DNAH6: variants seen among roughly 807,000 people sequenced by gnomAD.
The protein encoded by DNAH6 is axonemal beta dynein heavy chain 6.
Under a neutral mutation model 491.4 loss-of-function variants are expected in DNAH6, and 340 were observed. The observed-to-expected ratio is 0.69, with a 90% CI of 0.63 to 0.76. The LOEUF (loss-of-function observed/expected upper bound fraction) is 0.76. Among genes scored for constraint, DNAH6 ranks in the 30% least tolerant of loss-of-function variants. The pLI is 0.00. For missense variants in DNAH6, 4,443 were observed against 4,972.2 expected (o/e 0.89, Z 3.20); for synonymous variants, 1,603 against 1,686.1 (o/e 0.95, Z 1.21).
chr2:84,794,370 T>C (rs1678099654), intron 68 of DNAH6, among the ~76,000 whole-genome samples: 2 of 151,618 alleles, frequency 1.3e-5, no homozygotes, highest in East Asian at 1.9e-4. Context: ...CAAAAGAAAC[T>C]ACCATCAGAG....
Position 84,642,063 on chromosome 2 carries a change from G to A in DNAH6, c.5078+9G>A. ...GATGCTCTTCTGTTCAGGTAAGTTT[G>A]TAGACATTACCAAGTAAAGCATGGC... is the stretch of plus-strand genomic sequence containing the variant. On this transcript the variant is annotated intron_variant, in intron 33 of 76. Transcript: ENST00000389394. 1.3e-6 allele frequency: 2 copies of A among 1,528,142 alleles called. No individual in the cohort carries two copies. The highest frequency in any genetic ancestry group is 1.8e-6 in the Non-Finnish European group (2 of 1,126,948). 94.7% of individuals were successfully genotyped at this position (1,528,142 alleles called of 1,614,324 possible). A position where few individuals can be genotyped will look rare whatever the true frequency, so the allele number is the denominator to read the frequency against.
At chr2:84,488,424 AAAAG>A in the DNAH6 span, among the ~76,000 whole-genome samples, 1 of 151,960 alleles carries the variant, frequency 6.6e-6, no homozygotes, top group Non-Finnish European at 1.5e-5. Flanking sequence ...AAAATTAAAA[AAAAG>A]AAATCTAAAA....
intron 4 of DNAH6, among the ~76,000 whole-genome samples, chr2:84,539,789 T>C (rs1434710956): frequency 6.6e-6 from 1 of 152,154 alleles, no homozygotes; most frequent in Admixed American, 6.6e-5. Context: ...TTAGTTTTGC[T>C]TTTGTTTAAT....
At chr2:84,545,468 A>G (rs978527998) in intron 5 of DNAH6, among the ~76,000 whole-genome samples, 2 of 152,128 alleles carry the variant, frequency 1.3e-5, no homozygotes, top group Non-Finnish European at 2.9e-5. Context: ...TACATATATC[A>G]TACATTTGTT....
chr2:84,771,769 G>A (rs1312401452), intron 64 of DNAH6, among the ~76,000 whole-genome samples: 1 of 151,940 alleles, frequency 6.6e-6, no homozygotes, highest in East Asian at 1.9e-4. Flanking sequence ...GATATTCCCA[G>A]ATAAACAAAA....
chr2:84,509,317 C>T, the DNAH6 span, among the ~76,000 whole-genome samples: 1 of 152,172 alleles, frequency 6.6e-6, no homozygotes, highest in Non-Finnish European at 1.5e-5. Flanking sequence ...GAATTGATCC[C>T]TTTACCATTA....
intron 68 of DNAH6, among the ~76,000 whole-genome samples, chr2:84,792,966 A>G (rs942861844): frequency 1.3e-5 from 2 of 152,218 alleles, no homozygotes; most frequent in Non-Finnish European, 2.9e-5. Context: ...ACAGCAATAC[A>G]TACATCCAGG....
At position 84,727,721 on chromosome 2, in the gene DNAH6, G is replaced by T. The variant is rs188849403; in HGVS notation, c.10025G>T (p.Arg3342Leu). 6.4e-6 allele frequency: 10 copies of T among 1,551,536 alleles called. No homozygotes were observed. The South Asian group carries it at 7.1e-5, about 11-fold the overall frequency. The change falls in exon 61 of 77, where the codon CGC becomes CTC. Residue 3342 changes from arginine (R) to leucine (L), a missense_variant. Physicochemically the swap from Arg to Leu is moderately radical, Grantham distance 102. This residue lies in a region of DNAH6 where 1,463 missense variants were observed against 1,656.6 expected (regional missense o/e 0.88). Coordinates refer to ENST00000389394, the MANE Select transcript of DNAH6 (RefSeq NM_001370.2). The part of the protein sequence containing the change: ...TSVKTENLQQ[R>L]LDVLLEQTLL... ...GTAAAGACAGAAAATCTACAACAGCGCCTGGACGTACTACTAGAACAAACT... is the reference window on the plus strand; with the variant it reads ...GTAAAGACAGAAAATCTACAACAGCTCCTGGACGTACTACTAGAACAAACT...
At chr2:84,607,570 T>A (rs988085409) in intron 21 of DNAH6, among the ~76,000 whole-genome samples, 1 of 152,148 alleles carries the variant, frequency 6.6e-6, no homozygotes, top group Admixed American at 6.5e-5. Flanking sequence ...CATTCATACC[T>A]CAAACCTCAG....
chr2:84,757,660 C>G (rs1343466209), intron 63 of DNAH6, among the ~76,000 whole-genome samples: 1 of 152,204 alleles, frequency 6.6e-6, no homozygotes. Context: ...TGAACAAGAT[C>G]TTTAATACAC....
chr2:84,620,924 A>G (rs1209906393), intron 24 of DNAH6, among the ~76,000 whole-genome samples: 3 of 152,238 alleles, frequency 2.0e-5, no homozygotes, highest in Non-Finnish European at 4.4e-5. Context: ...GATAGCAGCA[A>G]GTAGGAAAGT....
chr2:84,700,344 G>A (rs1179406699), intron 48 of DNAH6, among the ~76,000 whole-genome samples: 1 of 152,142 alleles, frequency 6.6e-6, no homozygotes, highest in African/African-American at 2.4e-5. Flanking sequence ...GAATATATGA[G>A]CACAGATGCA....
At chr2:84,472,491 AC>A in the DNAH6 span, among the ~76,000 whole-genome samples, 1 of 152,070 alleles carries the variant, frequency 6.6e-6, no homozygotes, top group Admixed American at 6.5e-5. Flanking sequence ...TGAAACATGA[AC>A]AGAGGACAAT....
intron 64 of DNAH6, among the ~76,000 whole-genome samples, chr2:84,780,706 T>C (rs1676603463): frequency 6.6e-6 from 1 of 152,242 alleles, no homozygotes; most frequent in Non-Finnish European, 1.5e-5. Flanking sequence ...ATTGCCAGAA[T>C]TCTTTTGCTG....
intron 76 of DNAH6, among the ~76,000 whole-genome samples, chr2:84,818,483 T>TAAAAAAAAAAAAAAAAAAAAA (rs1396895235): frequency 2.8e-5 from 1 of 35,518 alleles, no homozygotes. Context: ...AGACCCTATC[T>TAAAAAAAAAAAAAAAAAAAAA]CAAAAAAAAA....
rs573390437 is a variant in DNAH6, at chr2:84,537,890, G to A, written c.663-6343G>A. On this transcript the variant is annotated intron_variant, in intron 4 of 76. Coordinates refer to ENST00000389394, the MANE Select transcript of DNAH6 (RefSeq NM_001370.2). ...TGTGGGTGCTTTTATAAGGCATAGT[G>A]GGGTACTAAGTCTTTGTGATGTTAA... Among the ~76,000 whole-genome samples the A allele has an allele frequency of 1.1e-3, 164 of 152,152 alleles. 5 individuals carry two copies. In the South Asian group the frequency reaches 0.031, roughly 29 times the overall value.
At position 84,544,502 on chromosome 2, in the gene DNAH6, T is replaced by A; in HGVS notation, c.930+2T>A. The A allele has an allele frequency of 1.5e-6, 2 of 1,376,372 alleles. No individual in the cohort carries two copies. Among genetic ancestry groups the A allele is most frequent in the African/African-American group, 2.9e-5 (2 of 69,788 alleles). The allele number at this position is 1,376,372 out of a possible 1,614,324, so 85.3% of individuals were successfully genotyped here. ...AAAAATTTGTTCATTGTTAATCCTG[T>A]ATGTATTTATCATTTATATTTTAAA... On this transcript the variant is annotated splice_donor_variant, in intron 5 of 76. Coordinates refer to ENST00000389394, the MANE Select transcript of DNAH6 (RefSeq NM_001370.2). LOFTEE classifies it high-confidence loss of function.
the DNAH6 span, among the ~76,000 whole-genome samples, chr2:84,506,196 G>A: frequency 6.6e-6 from 1 of 152,096 alleles, no homozygotes; most frequent in Non-Finnish European, 1.5e-5. Flanking sequence ...GTGTTCAAGT[G>A]TTCCTATTTC....
chr2:84,597,633 G>T (rs578167926), intron 18 of DNAH6, among the ~76,000 whole-genome samples: 1 of 152,188 alleles, frequency 6.6e-6, no homozygotes, highest in Non-Finnish European at 1.5e-5. Flanking sequence ...AATTGAAAAC[G>T]TGTGTTCACG....
Sources: gnomAD v4.1 joint callset for allele counts (sites outside exome capture counted in the v4.1 genomes callset) on GRCh38, gnomAD v4.1.1 for gene constraint, gnomAD v4.1.1 regional missense constraint, MANE v1.5 for transcripts, NCBI Gene and HGNC (gene_info 2026-07-23, HGNC 2026-07-21) for gene names.